Variants in CHI3L2 observed in about 807,000 individuals in gnomAD.
The protein encoded by CHI3L2 is chitinase-3-like protein 2.
In CHI3L2, 47 loss-of-function variants were observed where a neutral mutation model predicts 47.3. That is an observed-to-expected ratio of 0.99 (90% CI 0.79 to 1.27). CHI3L2 has a LOEUF of 1.27. Ranked by LOEUF, CHI3L2 falls within the 50% of genes most tolerant of loss-of-function variation. The pLI is 0.00. For synonymous variants in CHI3L2, 198 were observed against 169.9 expected (o/e 1.17, Z -1.28); for missense variants, 497 against 462.1 (o/e 1.08, Z -0.69).
chr1:111,235,175 C>G, intron 5 of CHI3L2, 118 bp downstream of exon 5: 1 of 1,037,938 alleles, frequency 9.6e-7, no homozygotes, highest in Non-Finnish European at 1.4e-6. Context: ...GTCTAACAGC[C>G]CCAGCCTTTC....
intron 10 of CHI3L2, 134 bp from the exon 11 acceptor site, chr1:111,243,083 T>C (rs995574707): frequency 2.3e-6 from 1 of 443,400 alleles, no homozygotes; most frequent in African/African-American, 2.0e-5. Flanking sequence ...GCAAAGGGCC[T>C]AGAACCATTT....
intron 1 of CHI3L2, 88 bp downstream of exon 1, chr1:111,227,857 C>A: frequency 7.5e-7 from 1 of 1,326,042 alleles, no homozygotes; most frequent in Non-Finnish European, 1.1e-6. Context: ...TCCTCCTTTC[C>A]TGGGACTTCA....
Position 111,242,207 on chromosome 1 carries a change from T to G in CHI3L2, c.1036-20T>G. The G allele has an allele frequency of 3.1e-6, 5 of 1,614,052 alleles. No homozygotes were observed. The highest frequency in any genetic ancestry group is 4.2e-6 in the Non-Finnish European group (5 of 1,179,922). ...GGGCCACCCTTCGAATCTCTGTGTA[T>G]CCTTCTGTGTCTCCCATAGGTTCAG... On this transcript the variant is annotated intron_variant, in intron 9 of 10. Coordinates refer to ENST00000369748, the MANE Select transcript of CHI3L2 (RefSeq NM_004000.3).
At chr1:111,232,623 A>G (rs993418359) in intron 4 of CHI3L2, among the ~76,000 whole-genome samples, 57 of 152,346 alleles carry the variant, frequency 3.7e-4, no homozygotes, top group Non-Finnish European at 5.9e-5. Flanking sequence ...CCCCTGTGCA[A>G]TAAGGGCTCA....
At position 111,237,136 on chromosome 1, in the gene CHI3L2, C is replaced by T. The variant is rs193228567; in HGVS notation, c.735+983C>T. Among the ~76,000 whole-genome samples the T allele has an allele frequency of 1.1e-4, 16 of 152,270 alleles. No homozygotes were observed. In the South Asian group the frequency reaches 2.5e-3, roughly 24 times the overall value. On this transcript the variant is annotated intron_variant, in intron 7 of 10. Coordinates refer to ENST00000369748, the MANE Select transcript of CHI3L2 (RefSeq NM_004000.3). ...GGCTTAGAATCTTGCAGCCTTTGGC[C>T]GCATGACTCCTAAACCATAACTTCT...
chr1:111,234,945 A>C lies in CHI3L2; in HGVS notation c.368A>C (p.Glu123Ala). The C allele has an allele frequency of 1.2e-6, 2 of 1,614,172 alleles. No homozygotes were observed. The highest frequency in any genetic ancestry group is 2.2e-5 in the South Asian group (2 of 91,072). ...GTGGATTCTTCTACATCACGCTTGG[A>C]ATTCATTAACTCCATAATCCTGTTT... ...PMVDSSTSRL[E>A]FINSIILFLR... The change falls in exon 5 of 11, where the codon GAA (glutamate) becomes GCA (alanine). Residue 123 changes from glutamate to alanine, a missense_variant. Glu to Ala is a moderately radical substitution (Grantham distance 107, BLOSUM62 -1). Coordinates refer to ENST00000369748, the MANE Select transcript of CHI3L2 (RefSeq NM_004000.3).
intron 5 of CHI3L2, 36 bp from the exon 6 acceptor site, chr1:111,235,602 AG>A (rs1659856369): frequency 6.2e-7 from 1 of 1,602,830 alleles, no homozygotes; most frequent in African/African-American, 1.3e-5. Context: ...TACTCTGGGA[AG>A]GGGAATATTG....
chr1:111,243,198 T>C lies in CHI3L2; in HGVS notation c.*3-19T>C. 1 of 456,064 alleles carries C rather than the reference T, an allele frequency of 2.2e-6. No homozygotes were observed. The highest frequency in any genetic ancestry group is 1.5e-5 in the South Asian group (1 of 64,556). The allele number at this position is 456,064 out of a possible 1,614,324, so 28.3% of individuals were successfully genotyped here. On this transcript the variant is annotated intron_variant, in intron 10 of 10. Transcript: ENST00000369748. The stretch of plus-strand genomic sequence containing the variant: ...GTTTACTGAGTTGGGCTTTGAAATA[T>C]TTTTCCTTTTGTTTCCAGGATTAAC...
chr1:111,229,701 A>AAAAAAAAAAAAAAAAC (rs1659649650), intron 1 of CHI3L2, 151 bp from the exon 2 acceptor site: 1 of 1,119,778 alleles, frequency 8.9e-7, no homozygotes, highest in African/African-American at 1.8e-5. Flanking sequence ...AAAAAAAAAA[A>AAAAAAAAAAAAAAAAC]AAAAGAAACC....
intron 8 of CHI3L2, 102 bp from the exon 9 acceptor site, chr1:111,241,225 A>G (rs979259917): frequency 2.6e-6 from 2 of 771,264 alleles, no homozygotes; most frequent in East Asian, 4.9e-5. Context: ...AAAGGTTCTG[A>G]TATTTTCCCC....
At position 111,236,022 on chromosome 1, in the gene CHI3L2, A is replaced by G; in HGVS notation, c.606-2A>G. On this transcript the variant is annotated splice_acceptor_variant, in intron 6 of 10. Transcript: ENST00000369748. LOFTEE classifies it high-confidence loss of function. ...TCTCTCCCATTGCTTTTGGCACTTT[A>G]GAGATCTGGATTTCATCAACCTCCT... The G allele has an allele frequency of 6.2e-7, 1 of 1,613,922 alleles. No individual in the cohort carries two copies. Among genetic ancestry groups the G allele is most frequent in the Non-Finnish European group, 8.5e-7 (1 of 1,179,942 alleles).
Position 111,229,878 on chromosome 1 carries a change from G to C in CHI3L2, c.67G>C (p.Gly23Arg), listed in dbSNP as rs1430771061. The C allele has an allele frequency of 2.5e-6, 4 of 1,613,596 alleles. No individual in the cohort carries two copies. The highest frequency in any genetic ancestry group is 1.1e-5 in the South Asian group (1 of 91,074). Residue 23 changes from glycine (G) to arginine (R), a missense_variant, in exon 2 of 11, where the codon GGA (glycine) becomes CGA (arginine). Gly to Arg is a moderately radical substitution (Grantham distance 125). Coordinates refer to ENST00000369748, the MANE Select transcript of CHI3L2 (RefSeq NM_004000.3). Reference protein sequence around the residue: ...AGVVVLLLLQGGSAYKLVCYF... With the variant: ...AGVVVLLLLQRGSAYKLVCYF... Reference sequence around the variant, plus strand: ...TGTAGTGGTCTTGCTGCTTCTCCAGGGAGGTAAGTAGTCAATAAGTCACTA... The same window carrying C: ...TGTAGTGGTCTTGCTGCTTCTCCAGCGAGGTAAGTAGTCAATAAGTCACTA...
intron 7 of CHI3L2, among the ~76,000 whole-genome samples, chr1:111,236,887 G>A (rs939657740): frequency 6.6e-6 from 1 of 152,192 alleles, no homozygotes; most frequent in African/African-American, 2.4e-5. Context: ...GGGACAGAAA[G>A]TGGCGAGTGC....
At chr1:111,230,685 T>C (rs75230690) in intron 2 of CHI3L2, 57 bp from the exon 3 acceptor site, 158,111 of 1,436,844 alleles carry the variant, frequency 0.11, 9,566 homozygotes, top group Middle Eastern at 0.15. Flanking sequence ...ATTGTGACTT[T>C]CTGGACTCTA....
At chr1:111,238,685 G>A (rs962124312) in intron 7 of CHI3L2, 65 bp from the exon 8 acceptor site, 5 of 1,546,660 alleles carry the variant, frequency 3.2e-6, no homozygotes, top group Non-Finnish European at 4.4e-6. Flanking sequence ...TGGGATAGAG[G>A]CTAAAAAAGG....
rs181598018 is a variant in CHI3L2 at position 111,231,580 on chromosome 1, T to C, written c.329+286T>C. On this transcript the variant is annotated intron_variant, in intron 4 of 10. Transcript: ENST00000369748. ...AATTCTGAATTATTTACATGAATGT[T>C]TTTCACTTTATGGATTATAGAATTA... The C allele has an allele frequency of 3.7e-3, 1,106 of 297,618 alleles. 5 individuals carry two copies. Among genetic ancestry groups the C allele is most frequent in the Non-Finnish European group, 5.4e-3 (877 of 162,128 alleles). The allele number at this position is 297,618 out of a possible 1,614,324, so 18.4% of individuals were successfully genotyped here.
At chr1:111,237,884 A>G (rs1426801714) in intron 7 of CHI3L2, among the ~76,000 whole-genome samples, 1 of 152,216 alleles carries the variant, frequency 6.6e-6, no homozygotes, top group East Asian at 1.9e-4. Context: ...GACTGATAGA[A>G]GAGAATTTCT....
intron 2 of CHI3L2, among the ~76,000 whole-genome samples, 192 bp downstream of exon 2, chr1:111,230,073 A>ACT (rs962990000): frequency 4.6e-5 from 7 of 150,676 alleles, no homozygotes; most frequent in South Asian, 2.1e-4. Flanking sequence ...TTTTTGAGCC[A>ACT]CTCTCTCTCT....
At position 111,231,871 on chromosome 1, in the gene CHI3L2, A is replaced by G. The variant is rs555723616; in HGVS notation, c.329+577A>G. Among the ~76,000 whole-genome samples the G allele has an allele frequency of 1.2e-4, 19 of 152,382 alleles. No homozygotes were observed. The East Asian group carries it at 3.3e-3, about 26-fold the overall frequency. Reference sequence around the variant, plus strand: ...ATTCGAAATAATATTTTCTATTCCCATGGAAATGATATCCCATTTACATCA... The same window carrying G: ...ATTCGAAATAATATTTTCTATTCCCGTGGAAATGATATCCCATTTACATCA... On this transcript the variant is annotated intron_variant, in intron 4 of 10. Transcript: ENST00000369748.
Sources: gnomAD v4.1 joint callset for allele counts (sites outside exome capture counted in the v4.1 genomes callset) on GRCh38, gnomAD v4.1.1 for gene constraint, MANE v1.5 for transcripts, NCBI Gene and HGNC (gene_info 2026-07-23, HGNC 2026-07-21) for gene names.